Variants in QKI observed in about 807,000 individuals in gnomAD.
The protein encoded by QKI is KH domain-containing RNA-binding protein QKI.
QKI carries 10 observed loss-of-function variants against 39.0 expected under a neutral mutation model. The observed-to-expected ratio is 0.26, with a 90% CI of 0.16 to 0.43. The LOEUF is 0.43. Among genes scored for constraint, QKI ranks in the 20% least tolerant of loss-of-function variants. QKI has a pLI of 1.00. For missense variants in QKI, 218 were observed against 428.0 expected (o/e 0.51, Z 4.33); for synonymous variants, 204 against 155.4 (o/e 1.31, Z -2.33).
chr6:163,503,870 C>T (rs1583113898), intron 3 of QKI, among the ~76,000 whole-genome samples: 1 of 151,580 alleles, frequency 6.6e-6, no homozygotes, highest in African/African-American at 2.4e-5. Flanking sequence ...CTCCTGAGTA[C>T]CTGGGACTAC....
chr6:163,500,518 C>A (rs980829419), intron 3 of QKI, among the ~76,000 whole-genome samples: 1 of 152,100 alleles, frequency 6.6e-6, no homozygotes, highest in African/African-American at 2.4e-5. Context: ...TGTTTCCTTA[C>A]CCAGGCTGTC....
At chr6:163,566,986 C>T (rs758719663) in intron 7 of QKI, 191 bp downstream of exon 7, 4 of 1,345,262 alleles carry the variant, frequency 3.0e-6, no homozygotes, top group Non-Finnish European at 3.8e-6. Context: ...TTTCTCCCTT[C>T]ATATTTTAAC....
intron 3 of QKI, among the ~76,000 whole-genome samples, chr6:163,506,920 A>G (rs539514187): frequency 2.6e-4 from 39 of 152,274 alleles, no homozygotes; most frequent in African/African-American, 8.2e-4. Flanking sequence ...ACCAATGGCA[A>G]CTTTGATTAA....
chr6:163,464,612 A>C (rs1791591257), intron 2 of QKI, among the ~76,000 whole-genome samples: 1 of 152,230 alleles, frequency 6.6e-6, no homozygotes, highest in South Asian at 2.1e-4. Flanking sequence ...TTCCTAAAAC[A>C]TACAACCTAT....
chr6:163,479,005 G>T, intron 3 of QKI, 109 bp downstream of exon 3: 1 of 920,964 alleles, frequency 1.1e-6, no homozygotes, highest in South Asian at 1.8e-5. Context: ...TATATTCCAG[G>T]CCGGGCGCGG....
chr6:163,499,920 G>T (rs905247680), intron 3 of QKI, among the ~76,000 whole-genome samples: 1 of 152,152 alleles, frequency 6.6e-6, no homozygotes, highest in African/African-American at 2.4e-5. Context: ...ATAATGCCAG[G>T]CAATGTAAGT....
intron 3 of QKI, among the ~76,000 whole-genome samples, chr6:163,499,042 T>C (rs1219379403): frequency 6.6e-6 from 1 of 152,180 alleles, no homozygotes; most frequent in Middle Eastern, 3.2e-3. Context: ...TTTGTGTATA[T>C]TGAACTATCA....
intron 6 of QKI, chr6:163,566,151 G>C: frequency 1.4e-6 from 2 of 1,393,998 alleles, no homozygotes; most frequent in Non-Finnish European, 1.9e-6. Context: ...ATATTACACA[G>C]TAATGGTAAT....
At chr6:163,415,734 G>A (rs1001000204) in intron 1 of QKI, among the ~76,000 whole-genome samples, 30 of 151,904 alleles carry the variant, frequency 2.0e-4, no homozygotes, top group African/African-American at 7.0e-4. Context: ...CGGCCTGGAG[G>A]ACGCGTGTGC....
intron 1 of QKI, among the ~76,000 whole-genome samples, chr6:163,432,749 A>T (rs1240125327): frequency 2.0e-5 from 3 of 152,266 alleles, no homozygotes; most frequent in Non-Finnish European, 2.9e-5. Context: ...GAATAATGTG[A>T]TAAAAGTCTA....
chr6:163,439,759 C>T (rs941770580), intron 1 of QKI, among the ~76,000 whole-genome samples: 3 of 150,892 alleles, frequency 2.0e-5, no homozygotes, highest in African/African-American at 7.3e-5. Context: ...GAGCAATTCT[C>T]ATGTCTCAGC....
Position 163,572,270 on chromosome 6 carries a change from G to GT in QKI, c.*1566dup. 1 of 152,060 alleles carries GT rather than the reference G, an allele frequency of 6.6e-6. No homozygotes were observed. The highest frequency in any genetic ancestry group is 1.5e-5 in the Non-Finnish European group (1 of 67,970). The allele number at this position is 152,060 out of a possible 1,614,324, so 9.4% of individuals were successfully genotyped here. ...AAGGGGGATGCATTCATTTGATTTT[G>GT]TTTTTTGTTTTTAATTAATTGAATA... On this transcript the variant is annotated 3_prime_UTR_variant, in exon 8 of 8. Coordinates refer to ENST00000361752, the MANE Select transcript of QKI (RefSeq NM_006775.3).
At chr6:163,418,444 T>G (rs1203817563) in intron 1 of QKI, among the ~76,000 whole-genome samples, 1 of 152,280 alleles carries the variant, frequency 6.6e-6, no homozygotes, top group South Asian at 2.1e-4. Flanking sequence ...GTATCTTGAC[T>G]GTGGACAGTC....
At chr6:163,426,525 T>C (rs1307371445) in intron 1 of QKI, among the ~76,000 whole-genome samples, 1 of 152,090 alleles carries the variant, frequency 6.6e-6, no homozygotes, top group Non-Finnish European at 1.5e-5. Context: ...TGTTTTGTTT[T>C]GTTTCCCCAC....
rs531348898 is a variant in QKI, at chr6:163,577,976, T to C, written c.*7266T>C. The C allele has an allele frequency of 7.9e-5, 12 of 152,334 alleles. No homozygotes were observed. In the South Asian group the frequency reaches 2.5e-3, roughly 32 times the overall value. 9.4% of individuals were successfully genotyped at this position (152,334 alleles called of 1,614,324 possible). A position where few individuals can be genotyped will look rare whatever the true frequency, so the allele number is the denominator to read the frequency against. On this transcript the variant is annotated 3_prime_UTR_variant, in exon 8 of 8. Coordinates refer to ENST00000361752, the MANE Select transcript of QKI (RefSeq NM_006775.3). ...AATTGACCATCTAATAGTTGTACTA[T>C]ACATATGTCTAAAATAATAGTCATG... is the stretch of plus-strand genomic sequence containing the variant.
intron 1 of QKI, among the ~76,000 whole-genome samples, chr6:163,424,339 C>T (rs1788242890): frequency 6.6e-6 from 1 of 152,162 alleles, no homozygotes; most frequent in Non-Finnish European, 1.5e-5. Flanking sequence ...TGTGTGCCTG[C>T]ACATGCGTGA....
rs537960473 is a variant in QKI at position 163,478,940 on chromosome 6, C to A, written c.402+44C>A. 21 of 1,398,410 alleles carry A rather than the reference C, an allele frequency of 1.5e-5. No individual in the cohort carries two copies. In the South Asian group the frequency reaches 2.2e-4, roughly 15 times the overall value. The allele number at this position is 1,398,410 out of a possible 1,614,324, so 86.6% of individuals were successfully genotyped here. On this transcript the variant is annotated intron_variant, in intron 3 of 7. Transcript: ENST00000361752. Reference sequence around the variant, plus strand: ...ACTAAGTCTTTATGTGAGTAACTTACTATACTTTTACATCGTAATAATAAA... The same window carrying A: ...ACTAAGTCTTTATGTGAGTAACTTAATATACTTTTACATCGTAATAATAAA...
At chr6:163,440,354 T>A (rs1789673800) in intron 1 of QKI, among the ~76,000 whole-genome samples, 1 of 152,156 alleles carries the variant, frequency 6.6e-6, no homozygotes, top group African/African-American at 2.4e-5. Context: ...TCCCCAAATC[T>A]CTCTTTCCTA....
chr6:163,439,469 T>C (rs1789585906), intron 1 of QKI, among the ~76,000 whole-genome samples: 1 of 150,106 alleles, frequency 6.7e-6, no homozygotes, highest in South Asian at 2.1e-4. Flanking sequence ...TGCCTCAGTC[T>C]CCCGAGTAGC....
Sources: gnomAD v4.1 joint callset for allele counts (sites outside exome capture counted in the v4.1 genomes callset) on GRCh38, gnomAD v4.1.1 for gene constraint, MANE v1.5 for transcripts, NCBI Gene and HGNC (gene_info 2026-07-23, HGNC 2026-07-21) for gene names.